Variants in RGS7BP observed in about 807,000 individuals in gnomAD.
RGS7BP encodes regulator of G protein signaling 7-binding protein.
RGS7BP carries 9 observed loss-of-function variants against 31.3 expected under a neutral mutation model. The observed-to-expected ratio is 0.29, with a 90% CI of 0.17 to 0.50. The LOEUF is 0.50. RGS7BP is among the 20% of genes least tolerant of loss of function. RGS7BP has a pLI of 0.98. For synonymous variants in RGS7BP, 115 were observed against 120.1 expected (o/e 0.96, Z 0.28); for missense variants, 274 against 322.0 (o/e 0.85, Z 1.14).
chr5:64,575,970 T>C, intron 3 of RGS7BP, 66 bp downstream of exon 3: 2 of 1,442,794 alleles, frequency 1.4e-6, no homozygotes, highest in East Asian at 4.6e-5. Flanking sequence ...TTTGGCAAAG[T>C]GTCCGTATAT....
At chr5:64,581,884 T>C (rs977041432) in intron 3 of RGS7BP, among the ~76,000 whole-genome samples, 1 of 152,216 alleles carries the variant, frequency 6.6e-6, no homozygotes, top group Non-Finnish European at 1.5e-5. Flanking sequence ...AAAGTGTTTT[T>C]CTTTTTTTAT....
chr5:64,506,554 C>G lies in RGS7BP; in HGVS notation c.-71C>G. 1 of 1,433,148 alleles carries G rather than the reference C, an allele frequency of 7.0e-7. No homozygotes were observed. Among genetic ancestry groups the G allele is most frequent in the South Asian group, 1.3e-5 (1 of 75,660 alleles). The allele number at this position is 1,433,148 out of a possible 1,614,324, so 88.8% of individuals were successfully genotyped here. A position where few individuals can be genotyped will look rare whatever the true frequency, so the allele number is the denominator to read the frequency against. On this transcript the variant is annotated 5_prime_UTR_variant, in exon 1 of 6. Coordinates refer to ENST00000334025, the MANE Select transcript of RGS7BP (RefSeq NM_001029875.3). This position sits in a 1 kb window ranked among gnomAD's most constrained non-coding sequence, Gnocchi z 4.6. ...GCTCCGGCTGCTTGGCGGCGGCGCCCAGGGCAACAACCGGGCCGCCCGCGC... is the reference window on the plus strand; with the variant it reads ...GCTCCGGCTGCTTGGCGGCGGCGCCGAGGGCAACAACCGGGCCGCCCGCGC...
intron 2 of RGS7BP, among the ~76,000 whole-genome samples, chr5:64,516,185 T>A (rs1270775327): frequency 6.6e-6 from 1 of 152,172 alleles, no homozygotes; most frequent in Non-Finnish European, 1.5e-5. Context: ...CAGCTGTAGA[T>A]ACACAGTGAA....
At chr5:64,605,020 A>AT (rs1161365085) in intron 5 of RGS7BP, among the ~76,000 whole-genome samples, 2 of 151,934 alleles carry the variant, frequency 1.3e-5, no homozygotes, top group Non-Finnish European at 2.9e-5. Flanking sequence ...AATAAATAAA[A>AT]TTTTTTTTAA....
chr5:64,570,912 A>G (rs1742287314), intron 2 of RGS7BP, among the ~76,000 whole-genome samples: 1 of 152,174 alleles, frequency 6.6e-6, no homozygotes, highest in South Asian at 2.1e-4. Flanking sequence ...CAGCATACAT[A>G]GCATTAACTT....
intron 3 of RGS7BP, among the ~76,000 whole-genome samples, chr5:64,586,530 T>C (rs1340070801): frequency 6.6e-6 from 1 of 152,216 alleles, no homozygotes; most frequent in Non-Finnish European, 1.5e-5. Flanking sequence ...CTTCAGATTT[T>C]CCTGACCCTC....
At chr5:64,550,960 T>C (rs1004933228) in intron 2 of RGS7BP, among the ~76,000 whole-genome samples, 4 of 151,950 alleles carry the variant, frequency 2.6e-5, no homozygotes, top group African/African-American at 9.7e-5. Context: ...TGTGCTGCAT[T>C]TTCTTAATAT....
intron 2 of RGS7BP, among the ~76,000 whole-genome samples, chr5:64,559,644 G>A (rs1459761920): frequency 1.3e-5 from 2 of 152,104 alleles, no homozygotes; most frequent in Non-Finnish European, 2.9e-5. Flanking sequence ...GGGATCAGAG[G>A]AAGGAGGAGG....
chr5:64,574,152 A>C (rs1742363694), intron 2 of RGS7BP, among the ~76,000 whole-genome samples: 1 of 152,162 alleles, frequency 6.6e-6, no homozygotes, highest in Non-Finnish European at 1.5e-5. Flanking sequence ...ACAAGGATCA[A>C]TTTTTATTAC....
intron 2 of RGS7BP, among the ~76,000 whole-genome samples, chr5:64,552,459 CTCTTT>C (rs1246962673): frequency 2.0e-5 from 3 of 152,000 alleles, no homozygotes; most frequent in Non-Finnish European, 4.4e-5. Context: ...TGAGGGAATA[CTCTTT>C]TCTTTTTCTT....
At chr5:64,513,347 C>T (rs1748889290) in intron 2 of RGS7BP, among the ~76,000 whole-genome samples, 1 of 152,142 alleles carries the variant, frequency 6.6e-6, no homozygotes, top group Admixed American at 6.5e-5. Flanking sequence ...TCCTTCTCTT[C>T]CTTCTCCTCC....
intron 2 of RGS7BP, among the ~76,000 whole-genome samples, chr5:64,544,965 A>G (rs1178261032): frequency 6.6e-6 from 1 of 152,140 alleles, no homozygotes; most frequent in Non-Finnish European, 1.5e-5. Flanking sequence ...TCACGAGGTC[A>G]GGAGATTGAG....
At chr5:64,583,757 G>A (rs1433053628) in intron 3 of RGS7BP, among the ~76,000 whole-genome samples, 1 of 152,120 alleles carries the variant, frequency 6.6e-6, no homozygotes, top group Non-Finnish European at 1.5e-5. Context: ...AGTGTTTGAA[G>A]AATATAAACA....
rs1035788193 is a variant in RGS7BP at position 64,551,266 on chromosome 5, T to A, written c.333-24508T>A. Among the ~76,000 whole-genome samples, 10 of 150,386 alleles carry A rather than the reference T, an allele frequency of 6.6e-5. 1 individual carries two copies. The highest frequency in any genetic ancestry group is 2.2e-4 in the African/African-American group (9 of 40,896). ...TTATTTTTTTATTTATTTTTTATTT[T>A]ATTTTTTTTTTTTTGAGATGGAGTC... On this transcript the variant is annotated intron_variant, in intron 2 of 5. Coordinates refer to ENST00000334025, the MANE Select transcript of RGS7BP (RefSeq NM_001029875.3).
At chr5:64,540,399 G>A (rs999325745) in intron 2 of RGS7BP, among the ~76,000 whole-genome samples, 2 of 152,030 alleles carry the variant, frequency 1.3e-5, no homozygotes. Flanking sequence ...AACCAAACAA[G>A]CAGCAGTGAA....
At chr5:64,510,311 A>T (rs1748801059) in intron 2 of RGS7BP, among the ~76,000 whole-genome samples, 1 of 152,204 alleles carries the variant, frequency 6.6e-6, no homozygotes, top group East Asian at 1.9e-4. Flanking sequence ...CCATGTTTGC[A>T]TGCTTCTGAT....
chr5:64,520,780 T>A (rs577190712), intron 2 of RGS7BP, among the ~76,000 whole-genome samples: 1 of 152,238 alleles, frequency 6.6e-6, no homozygotes, highest in Non-Finnish European at 1.5e-5. Context: ...AGGACCCCAA[T>A]GAGCACAGGG....
chr5:64,581,433 A>G (rs1443655109), intron 3 of RGS7BP, among the ~76,000 whole-genome samples: 1 of 152,162 alleles, frequency 6.6e-6, no homozygotes, highest in African/African-American at 2.4e-5. Flanking sequence ...TCATTTATCT[A>G]TACATTTAAT....
chr5:64,591,837 A>G (rs1001376932), intron 3 of RGS7BP, among the ~76,000 whole-genome samples: 6 of 152,172 alleles, frequency 3.9e-5, no homozygotes, highest in African/African-American at 1.2e-4. Flanking sequence ...TTAATGCTGT[A>G]TATCTATTGA....
Sources: gnomAD v4.1 joint callset for allele counts (sites outside exome capture counted in the v4.1 genomes callset) on GRCh38, gnomAD v4.1.1 for gene constraint, Gnocchi (gnomAD v3.1) non-coding constraint, MANE v1.5 for transcripts, NCBI Gene and HGNC (gene_info 2026-07-23, HGNC 2026-07-21) for gene names.